The following TMPRSS11E variants were observed in gnomAD, a reference collection of about 807,000 sequenced individuals.
The protein encoded by TMPRSS11E is transmembrane protease serine 11E.
Under a neutral mutation model 48.1 loss-of-function variants are expected in TMPRSS11E, and 38 were observed. The observed-to-expected ratio is 0.79, with a 90% CI of 0.61 to 1.04. The LOEUF (loss-of-function observed/expected upper bound fraction) is 1.04, where lower values mean the gene tolerates loss of function less well. Ranked by LOEUF, TMPRSS11E falls within the 50% of genes least tolerant of loss-of-function variation. The pLI is 0.00. For missense variants in TMPRSS11E, 530 were observed against 510.8 expected, an observed-to-expected ratio of 1.04 and a Z score of -0.36; for synonymous variants, 158 against 171.9, an observed-to-expected ratio of 0.92 and a Z score of 0.63.
rs183292411 is a variant in TMPRSS11E, at chr4:68,478,809, T to C, written c.968-40T>C. On this transcript the variant is annotated intron_variant, in intron 8 of 9. Transcript: ENST00000305363. ...ACATTTTCTTCAAGTTTATAAAATA[T>C]ATGTATGTCTACAAATACAAAGACT... 1.4e-5 allele frequency: 23 copies of C among 1,602,414 alleles called. No homozygotes were observed. In the African/African-American group the frequency reaches 1.9e-4, roughly 13 times the overall value.
chr4:68,484,159 C>G (rs1387621648), intron 9 of TMPRSS11E, among the ~76,000 whole-genome samples: 1 of 152,084 alleles, frequency 6.6e-6, no homozygotes, highest in Non-Finnish European at 1.5e-5. Flanking sequence ...ACAGTTTTTA[C>G]TAATTCTGTG....
intron 2 of TMPRSS11E, among the ~76,000 whole-genome samples, chr4:68,462,570 G>C (rs183314204): frequency 5.6e-5 from 8 of 142,178 alleles, no homozygotes; most frequent in Admixed American, 4.4e-4. Context: ...GCAAGAGAGA[G>C]AGACTCGGTC....
Position 68,476,420 on chromosome 4 carries a change from C to A in TMPRSS11E, c.689C>A (p.Ala230Asp). 1 of 1,612,118 alleles carries A rather than the reference C, an allele frequency of 6.2e-7. No individual in the cohort carries two copies. The highest frequency in any genetic ancestry group is 8.5e-7 in the Non-Finnish European group (1 of 1,178,756). Reference sequence around the variant, plus strand: ...ATTAATGCCACATGGCTTGTGAGTGCTGCTCACTGTTTTACAACGTAAGTC... The same window carrying A: ...ATTAATGCCACATGGCTTGTGAGTGATGCTCACTGTTTTACAACGTAAGTC... ...TLINATWLVSAAHCFTTYKNP... is the reference protein window; with the variant it reads ...TLINATWLVSDAHCFTTYKNP... Residue 230 changes from alanine (A) to aspartate (D), a missense_variant, in exon 7 of 10, where the codon GCT becomes GAT. Coordinates refer to ENST00000305363, the MANE Select transcript of TMPRSS11E (RefSeq NM_014058.4).
intron 3 of TMPRSS11E, among the ~76,000 whole-genome samples, chr4:68,467,923 A>G (rs1200349229): frequency 6.6e-6 from 1 of 152,186 alleles, no homozygotes; most frequent in African/African-American, 2.4e-5. Context: ...AGTAAATAAA[A>G]TCCAGACAGA....
intron 1 of TMPRSS11E, 55 bp from the exon 2 acceptor site, chr4:68,461,766 T>A: frequency 6.2e-7 from 1 of 1,611,308 alleles, no homozygotes; most frequent in African/African-American, 1.3e-5. Flanking sequence ...TTTTGTCTAA[T>A]GAGTGGATGT....
intron 1 of TMPRSS11E, among the ~76,000 whole-genome samples, chr4:68,454,473 A>C (rs1213561865): frequency 6.6e-6 from 1 of 151,958 alleles, no homozygotes; most frequent in Non-Finnish European, 1.5e-5. Flanking sequence ...TATAATAAAA[A>C]ATTTCATAAA....
chr4:68,490,377 TATTTA>T (rs1560561121), intron 9 of TMPRSS11E, among the ~76,000 whole-genome samples: 6 of 140,962 alleles, frequency 4.3e-5, no homozygotes, highest in Admixed American at 7.1e-5. Flanking sequence ...AAATTATTAT[TATTTA>T]AAACTCTAGA....
chr4:68,474,903 T>C (rs1729169306), intron 6 of TMPRSS11E, 142 bp downstream of exon 6: 1 of 678,010 alleles, frequency 1.5e-6, no homozygotes, highest in Admixed American at 3.4e-5. Context: ...CATGGTACTT[T>C]ATCATATCTT....
At chr4:68,495,691 C>T (rs763361987) in intron 9 of TMPRSS11E, among the ~76,000 whole-genome samples, 1 of 152,078 alleles carries the variant, frequency 6.6e-6, no homozygotes, top group Non-Finnish European at 1.5e-5. Context: ...AAAGCATGGG[C>T]TTCTGAATTA....
At chr4:68,490,841 C>T (rs555019446) in intron 9 of TMPRSS11E, among the ~76,000 whole-genome samples, 10 of 141,844 alleles carry the variant, frequency 7.1e-5, no homozygotes, top group Admixed American at 1.5e-4. Context: ...TCACTGCAAC[C>T]TCTGCCTCCT....
At chr4:68,452,501 G>C (rs191062704) in intron 1 of TMPRSS11E, among the ~76,000 whole-genome samples, 1 of 151,902 alleles carries the variant, frequency 6.6e-6, no homozygotes, top group African/African-American at 2.4e-5. Flanking sequence ...TTACAGCTAG[G>C]GAAACCAAAA....
intron 8 of TMPRSS11E, among the ~76,000 whole-genome samples, chr4:68,478,433 C>T (rs1292444647): frequency 1.4e-5 from 2 of 142,120 alleles, no homozygotes; most frequent in Non-Finnish European, 3.0e-5. Flanking sequence ...TGTAAGCCAC[C>T]GCACCCGGTA....
chr4:68,484,322 C>A (rs894126114), intron 9 of TMPRSS11E, among the ~76,000 whole-genome samples: 1 of 151,532 alleles, frequency 6.6e-6, no homozygotes, highest in Non-Finnish European at 1.5e-5. Flanking sequence ...TCTTTTTTTT[C>A]TTGAGACAAG....
chr4:68,488,535 CTCTCT>C lies in TMPRSS11E; in HGVS notation c.1111-8094_1111-8090del, dbSNP rs372536173. On this transcript the variant is annotated intron_variant, in intron 9 of 9. Coordinates refer to ENST00000305363, the MANE Select transcript of TMPRSS11E (RefSeq NM_014058.4). The stretch of plus-strand genomic sequence containing the variant: ...CTTCTTTTCTTTCCTTTTTTCTTTT[CTCTCT>C]TCTCTTCTCTTCTTTTCTCTCAGAG... Among the ~76,000 whole-genome samples the C allele has an allele frequency of 5.6e-3, 844 of 151,816 alleles. 7 individuals carry two copies. Among genetic ancestry groups the C allele is most frequent in the African/African-American group, 0.019 (806 of 41,400 alleles).
At chr4:68,479,361 TG>T (rs1337265373) in intron 9 of TMPRSS11E, among the ~76,000 whole-genome samples, 1 of 152,050 alleles carries the variant, frequency 6.6e-6, no homozygotes, top group East Asian at 1.9e-4. Context: ...ATTTTCAGAA[TG>T]TTATATAAAT....
In TMPRSS11E at chr4:68,496,797, G is replaced by T. The variant is rs1036896766; in HGVS notation, c.1265G>T (p.Gly422Val). Residue 422 changes from glycine to valine, a missense_variant, in exon 10 of 10, where the codon GGT becomes GTT. Physicochemically the swap from Gly to Val is moderately radical, Grantham distance 109. Transcript: ENST00000305363. ...CGGGACTGGATTACTTCAAAAACTGGTATCTAAGAGAGAAAAGCCTCATGG... is the reference window on the plus strand; with the variant it reads ...CGGGACTGGATTACTTCAAAAACTGTTATCTAAGAGAGAAAAGCCTCATGG... ...ALRDWITSKTGI is the reference protein window; with the variant it reads ...ALRDWITSKTVI The T allele has an allele frequency of 4.3e-6, 7 of 1,609,884 alleles. 1 individual carries two copies. In the Admixed American group the frequency reaches 1.2e-4, roughly 27 times the overall value.
chr4:68,496,629 G>T lies in TMPRSS11E; in HGVS notation c.1111-14G>T. 1 of 1,601,452 alleles carries T rather than the reference G, an allele frequency of 6.2e-7. No homozygotes were observed. The highest frequency in any genetic ancestry group is 8.5e-7 in the Non-Finnish European group (1 of 1,175,404). On this transcript the variant is annotated splice_polypyrimidine_tract_variant and intron_variant, in intron 9 of 9. Coordinates refer to ENST00000305363, the MANE Select transcript of TMPRSS11E (RefSeq NM_014058.4). ...ACTGAATTATGAATTACTAATTTCT[G>T]TCTTCTCCTTTAGGGTGACTCTGGA... is the stretch of plus-strand genomic sequence containing the variant.
intron 2 of TMPRSS11E, among the ~76,000 whole-genome samples, chr4:68,466,322 C>T (rs1458526138): frequency 6.6e-6 from 1 of 152,176 alleles, no homozygotes; most frequent in Non-Finnish European, 1.5e-5. Flanking sequence ...GACTTGCTGT[C>T]TCTTGTGGCT....
At position 68,478,895 on chromosome 4, in the gene TMPRSS11E, C is replaced by A; in HGVS notation, c.1014C>A (p.Asp338Glu). Reference protein sequence around the residue: ...HLRQAQVTLIDATTCNEPQAY... With the variant: ...HLRQAQVTLIEATTCNEPQAY... ...GACAAGCACAGGTGACTCTCATAGACGCTACAACTTGCAATGAACCTCAAG... is the reference window on the plus strand; with the variant it reads ...GACAAGCACAGGTGACTCTCATAGAAGCTACAACTTGCAATGAACCTCAAG... The change falls in exon 9 of 10, where the codon GAC (aspartate) becomes GAA (glutamate). Residue 338 changes from aspartate to glutamate, a missense_variant. Asp to Glu is a conservative substitution (Grantham distance 45). Coordinates refer to ENST00000305363, the MANE Select transcript of TMPRSS11E (RefSeq NM_014058.4). 1 of 1,613,958 alleles carries A rather than the reference C, an allele frequency of 6.2e-7. No individual in the cohort carries two copies.
Sources: gnomAD v4.1 joint callset for allele counts (sites outside exome capture counted in the v4.1 genomes callset) on GRCh38, gnomAD v4.1.1 for gene constraint, MANE v1.5 for transcripts, NCBI Gene and HGNC (gene_info 2026-07-23, HGNC 2026-07-21) for gene names.